C8orf34: variants seen among roughly 807,000 people sequenced by gnomAD.
The protein encoded by C8orf34 is uncharacterized protein C8orf34.
Under a neutral mutation model 68.3 loss-of-function variants are expected in C8orf34, and 65 were observed. The ratio of observed to expected loss-of-function variants is 0.95; its 90% CI spans 0.78 to 1.17. The LOEUF (loss-of-function observed/expected upper bound fraction) is 1.17. Ranked by LOEUF, C8orf34 falls within the 50% of genes most tolerant of loss-of-function variation. The pLI is 0.00. For missense variants in C8orf34, 664 were observed against 655.4 expected (o/e 1.01, Z -0.14); for synonymous variants, 244 against 241.2 (o/e 1.01, Z -0.11).
chr8:68,565,613 A>T lies in C8orf34; in HGVS notation c.1105+32464A>T, dbSNP rs566327744. ...ATAATGGTGACAGCAGAATGAGTCCATCTTTTGTGTCGCGATGCTGAGAGT... is the reference window on the plus strand; with the variant it reads ...ATAATGGTGACAGCAGAATGAGTCCTTCTTTTGTGTCGCGATGCTGAGAGT... On this transcript the variant is annotated intron_variant, in intron 7 of 13. Coordinates refer to ENST00000518698, the MANE Select transcript of C8orf34 (RefSeq NM_052958.4). Among the ~76,000 whole-genome samples the T allele has an allele frequency of 2.7e-5, 4 of 148,514 alleles. No individual in the cohort carries two copies. In the South Asian group the frequency reaches 8.5e-4, roughly 31 times the overall value.
intron 1 of C8orf34, among the ~76,000 whole-genome samples, chr8:68,368,379 C>T (rs1295169309): frequency 6.6e-6 from 1 of 151,178 alleles, no homozygotes; most frequent in Non-Finnish European, 1.5e-5. Context: ...TCCTCTTTGG[C>T]TCTGTATTAT....
At chr8:68,485,382 G>T (rs753893075) in intron 4 of C8orf34, among the ~76,000 whole-genome samples, 9 of 152,034 alleles carry the variant, frequency 5.9e-5, no homozygotes, top group Non-Finnish European at 8.8e-5. Context: ...AACTCGTTTT[G>T]TAAGCCCGAG....
intron 4 of C8orf34, 31 bp downstream of exon 4, chr8:68,468,851 C>G (rs1282290213): frequency 6.3e-7 from 1 of 1,594,164 alleles, no homozygotes; most frequent in South Asian, 1.1e-5. Flanking sequence ...ATAATTGAAA[C>G]TCCTAACCAA....
chr8:68,583,390 A>G (rs2130366371), intron 7 of C8orf34, among the ~76,000 whole-genome samples: 1 of 152,290 alleles, frequency 6.6e-6, no homozygotes, highest in East Asian at 1.9e-4. Flanking sequence ...AGCTTAGAGA[A>G]TTTAAGTAAC....
chr8:68,515,995 T>A (rs1327463427), intron 5 of C8orf34, among the ~76,000 whole-genome samples: 1 of 152,250 alleles, frequency 6.6e-6, no homozygotes, highest in East Asian at 1.9e-4. Flanking sequence ...TGTGCATAGA[T>A]GTTTATTATC....
chr8:68,409,593 G>T (rs148514275), intron 1 of C8orf34, among the ~76,000 whole-genome samples: 1 of 152,236 alleles, frequency 6.6e-6, no homozygotes, highest in East Asian at 1.9e-4. Context: ...ATCCTTAAAG[G>T]TTTATAAAGT....
intron 1 of C8orf34, among the ~76,000 whole-genome samples, chr8:68,408,146 A>G (rs1586072683): frequency 6.6e-6 from 1 of 151,950 alleles, no homozygotes; most frequent in African/African-American, 2.4e-5. Flanking sequence ...AGATTCTCCC[A>G]GGAGCAGGAA....
chr8:68,570,704 G>A (rs1005958438), intron 7 of C8orf34, among the ~76,000 whole-genome samples: 2 of 152,130 alleles, frequency 1.3e-5, no homozygotes, highest in Non-Finnish European at 2.9e-5. Context: ...AGAACCAGCA[G>A]CACAGCCATC....
intron 6 of C8orf34, 99 bp downstream of exon 6, chr8:68,522,070 A>G (rs1814780865): frequency 9.2e-7 from 1 of 1,090,652 alleles, no homozygotes; most frequent in East Asian, 2.5e-5. Flanking sequence ...CCGTTTTAGT[A>G]ATTTTTTATA....
chr8:68,433,223 C>A (rs1057295786), intron 1 of C8orf34, among the ~76,000 whole-genome samples: 2 of 152,074 alleles, frequency 1.3e-5, no homozygotes, highest in African/African-American at 2.4e-5. Flanking sequence ...GAAACAGATG[C>A]AGATTTAGAG....
intron 12 of C8orf34, among the ~76,000 whole-genome samples, chr8:68,808,616 G>A (rs1563681304): frequency 6.6e-6 from 1 of 151,412 alleles, no homozygotes; most frequent in East Asian, 1.9e-4. Context: ...TACTGTATTA[G>A]TTATTATAAG....
intron 1 of C8orf34, among the ~76,000 whole-genome samples, chr8:68,337,640 A>C (rs1350704615): frequency 6.6e-6 from 1 of 152,214 alleles, no homozygotes; most frequent in Non-Finnish European, 1.5e-5. Context: ...CTTAAAAGAA[A>C]AATTACTAAA....
intron 3 of C8orf34, among the ~76,000 whole-genome samples, chr8:68,461,275 G>A (rs1179072247): frequency 1.3e-5 from 2 of 152,202 alleles, no homozygotes; most frequent in African/African-American, 2.4e-5. Context: ...AAGCCTCCAG[G>A]AAATATGGGA....
intron 1 of C8orf34, among the ~76,000 whole-genome samples, chr8:68,426,518 C>CAAAAAAAAAAAA (rs753578060): frequency 1.0e-4 from 3 of 29,610 alleles, no homozygotes; most frequent in Non-Finnish European, 1.5e-4. Context: ...GACCTTGTCT[C>CAAAAAAAAAAAA]AAAAAAAAAA....
chr8:68,451,035 C>A (rs1283306999), intron 3 of C8orf34, among the ~76,000 whole-genome samples: 10 of 152,078 alleles, frequency 6.6e-5, no homozygotes, highest in Admixed American at 6.6e-4. Context: ...TTAGCTAGAT[C>A]TTCTCGATTG....
intron 6 of C8orf34, among the ~76,000 whole-genome samples, chr8:68,527,649 G>A (rs562550705): frequency 3.3e-5 from 5 of 152,180 alleles, no homozygotes; most frequent in African/African-American, 9.6e-5. Context: ...ATTGATAGCC[G>A]TTAGGTCACT....
chr8:68,765,821 T>C (rs758810073), intron 10 of C8orf34, among the ~76,000 whole-genome samples: 14 of 152,312 alleles, frequency 9.2e-5, no homozygotes, highest in Middle Eastern at 3.4e-3. Flanking sequence ...TTTAGGCCCC[T>C]TCAATTAAAT....
At position 68,763,703 on chromosome 8, in the gene C8orf34, C is replaced by T. The variant is rs541091454; in HGVS notation, c.1405-12696C>T. On this transcript the variant is annotated intron_variant, in intron 10 of 13. Coordinates refer to ENST00000518698, the MANE Select transcript of C8orf34 (RefSeq NM_052958.4). ...TCTTTGTCTTTATGTCTTCTGATGA[C>T]ATCTTCTATCTTTTGTATATTAAAT... Among the ~76,000 whole-genome samples the T allele has an allele frequency of 8.5e-5, 13 of 152,304 alleles. No homozygotes were observed. The South Asian group carries it at 2.7e-3, about 32-fold the overall frequency.
At chr8:68,499,886 G>C (rs775214526) in intron 5 of C8orf34, among the ~76,000 whole-genome samples, 1 of 152,160 alleles carries the variant, frequency 6.6e-6, no homozygotes, top group Non-Finnish European at 1.5e-5. Context: ...CTGGTGGGAG[G>C]TGATTGGATT....
Sources: gnomAD v4.1 joint callset for allele counts (sites outside exome capture counted in the v4.1 genomes callset) on GRCh38, gnomAD v4.1.1 for gene constraint, MANE v1.5 for transcripts, NCBI Gene and HGNC (gene_info 2026-07-23, HGNC 2026-07-21) for gene names.